OAS1: variants seen among roughly 807,000 people sequenced by gnomAD.
OAS1 encodes 2'-5'-oligoadenylate synthetase 1.
A neutral mutation model predicts 38.5 loss-of-function variants in OAS1; 24 were observed. That is an observed-to-expected ratio of 0.62 (90% CI 0.45 to 0.88). The LOEUF is 0.88. OAS1 is among the 40% of genes least tolerant of loss of function. The probability of loss-of-function intolerance (pLI) is 0.00; values close to 1 mark genes in which losing one functional copy is unlikely to be tolerated. For missense variants in OAS1, 482 were observed against 493.9 expected, an observed-to-expected ratio of 0.98 and a Z score of 0.23; for synonymous variants, 169 against 193.9, an observed-to-expected ratio of 0.87 and a Z score of 1.07.
intron 3 of OAS1, 59 bp from the exon 4 acceptor site, chr12:112,916,450 G>A: frequency 7.6e-7 from 1 of 1,317,694 alleles, no homozygotes; most frequent in East Asian, 2.3e-5. Flanking sequence ...CATGAGAAGT[G>A]TAGTTTACAC....
chr12:112,908,135 C>T (rs1277162142), intron 1 of OAS1, among the ~76,000 whole-genome samples: 1 of 152,192 alleles, frequency 6.6e-6, no homozygotes, highest in Non-Finnish European at 1.5e-5. Flanking sequence ...GATTTTTCCT[C>T]TACTTTCCCT....
chr12:112,908,346 C>G (rs1440890472), intron 1 of OAS1, among the ~76,000 whole-genome samples, 190 bp from the exon 2 acceptor site: 1 of 152,156 alleles, frequency 6.6e-6, no homozygotes, highest in African/African-American at 2.4e-5. Context: ...ATTTTCCCAT[C>G]TGTAAAATGG....
chr12:112,907,365 G>C, intron 1 of OAS1, 146 bp downstream of exon 1: 1 of 688,330 alleles, frequency 1.5e-6, no homozygotes, highest in East Asian at 2.7e-5. Flanking sequence ...TTCTGGGATG[G>C]TGGTTTCTTA....
Position 112,916,492 on chromosome 12 carries a change from G to A in OAS1, c.655-17G>A, listed in dbSNP as rs1350938477. 1 of 1,606,246 alleles carries A rather than the reference G, an allele frequency of 6.2e-7. No homozygotes were observed. Among genetic ancestry groups the A allele is most frequent in the South Asian group, 1.1e-5 (1 of 90,504 alleles). On this transcript the variant is annotated splice_polypyrimidine_tract_variant and intron_variant, in intron 3 of 5. Transcript: ENST00000202917. ...TGAGCAAACCAATTTTTTTCTGATTGTTTTTCCTCTTCTCAGTGTAAGAAG... is the reference window on the plus strand; with the variant it reads ...TGAGCAAACCAATTTTTTTCTGATTATTTTTCCTCTTCTCAGTGTAAGAAG...
downstream of OAS1, among the ~76,000 whole-genome samples, chr12:112,923,987 G>A (rs1310498381): frequency 6.6e-6 from 1 of 152,210 alleles, no homozygotes; most frequent in African/African-American, 2.4e-5. Flanking sequence ...AAAACTTCAT[G>A]ACATTGGTCT....
chr12:112,926,159 C>A (rs184488073), intron 6 of OAS1, among the ~76,000 whole-genome samples: 2 of 152,168 alleles, frequency 1.3e-5, no homozygotes, highest in Admixed American at 1.3e-4. Context: ...TGGCAGGAGC[C>A]TGTGGGGGGT....
Position 112,916,594 on chromosome 12 carries a change from C to T in OAS1, c.740C>T (p.Thr247Ile), listed in dbSNP as rs1016293413. Reference sequence around the variant, plus strand: ...GCTTGGGAGCGAGGGAGCATGAAAACACATTTCAACACAGCCCAGGGATTT... The same window carrying T: ...GCTTGGGAGCGAGGGAGCATGAAAATACATTTCAACACAGCCCAGGGATTT... The part of the protein sequence containing the change: ...VYAWERGSMK[T>I]HFNTAQGFRT... Residue 247 changes from threonine to isoleucine, a missense_variant, in exon 4 of 6, where the codon ACA becomes ATA. Coordinates refer to ENST00000202917, the MANE Select transcript of OAS1 (RefSeq NM_016816.4). 1.1e-5 allele frequency: 18 copies of T among 1,614,090 alleles called. No homozygotes were observed. Among genetic ancestry groups the T allele is most frequent in the Non-Finnish European group, 1.5e-5 (18 of 1,180,048 alleles).
intron 3 of OAS1, among the ~76,000 whole-genome samples, chr12:112,914,892 T>G (rs946807529): frequency 1.4e-4 from 22 of 151,730 alleles, no homozygotes; most frequent in African/African-American, 5.1e-4. Flanking sequence ...CCTCCCCAAT[T>G]CCCCCCACCC....
At chr12:112,932,177 C>A, downstream of OAS1, 1 of 386,762 alleles carries the variant, frequency 2.6e-6, no homozygotes, top group East Asian at 4.6e-5. Context: ...TCTCTCTGTC[C>A]CTCATTAAAA....
intron 3 of OAS1, among the ~76,000 whole-genome samples, chr12:112,915,818 C>G (rs1334386416): frequency 1.3e-5 from 2 of 151,970 alleles, no homozygotes; most frequent in Non-Finnish European, 2.9e-5. Context: ...TGTAGTTTTC[C>G]TTGTAGAGTT....
At chr12:112,919,127 C>G (rs538757697) in intron 5 of OAS1, 16 of 441,554 alleles carry the variant, frequency 3.6e-5, no homozygotes, top group South Asian at 3.4e-4. Flanking sequence ...TTCTATACCC[C>G]TACGTGGATC....
chr12:112,911,674 T>C (rs1173895497), intron 3 of OAS1, among the ~76,000 whole-genome samples: 1 of 152,250 alleles, frequency 6.6e-6, no homozygotes, highest in Non-Finnish European at 1.5e-5. Flanking sequence ...ACTGGCTGGC[T>C]GGCCTTAAGT....
intron 5 of OAS1, chr12:112,917,978 C>A: frequency 7.5e-7 from 1 of 1,339,886 alleles, no homozygotes; most frequent in Non-Finnish European, 9.7e-7. Context: ...GGCTCAGGTT[C>A]TGTCCTAAGC....
Position 112,918,387 on chromosome 12 carries a change from C to G in OAS1, c.1038+687C>G, listed in dbSNP as rs149732687. The G allele has an allele frequency of 4.2e-3, 1,105 of 261,808 alleles. 1 individual carries two copies. Among genetic ancestry groups the G allele is most frequent in the Non-Finnish European group, 5.9e-3 (753 of 128,300 alleles). The allele number at this position is 261,808 out of a possible 1,614,324, so 16.2% of individuals were successfully genotyped here. ...TATACCACACTTTCTTTATCCAGTT[C>G]ACACTGATGGGCACTTAAGTTGATT... On this transcript the variant is annotated intron_variant, in intron 5 of 5. Coordinates refer to ENST00000202917, the MANE Select transcript of OAS1 (RefSeq NM_016816.4).
rs922392669 is a variant in OAS1 at position 112,910,367 on chromosome 12, C to T, written c.470-684C>T. Among the ~76,000 whole-genome samples the T allele has an allele frequency of 7.4e-5, 11 of 148,578 alleles. No homozygotes were observed. In the East Asian group the frequency reaches 7.8e-4, roughly 11 times the overall value. Reference sequence around the variant, plus strand: ...TGGGCAACAGAGTGAGACTCCATCTCGAAAAAAAGAAAAAAGAAAAGAATA... The same window carrying T: ...TGGGCAACAGAGTGAGACTCCATCTTGAAAAAAAGAAAAAAGAAAAGAATA... On this transcript the variant is annotated intron_variant, in intron 2 of 5. Transcript: ENST00000202917.
intron 1 of OAS1, 83 bp downstream of exon 1, chr12:112,907,302 G>A: frequency 2.2e-6 from 3 of 1,373,364 alleles, no homozygotes; most frequent in Admixed American, 1.9e-5. Flanking sequence ...GAGAGAGAGA[G>A]AAGCAAAAAC....
At chr12:112,927,238 G>C (rs2043565388) in intron 6 of OAS1, among the ~76,000 whole-genome samples, 4 of 152,208 alleles carry the variant, frequency 2.6e-5, no homozygotes, top group Admixed American at 2.6e-4. Context: ...AGGAAATTAT[G>C]AGAGTATTGA....
Position 112,916,499 on chromosome 12 carries a change from C to T in OAS1, c.655-10C>T, listed in dbSNP as rs760791939. 29 of 1,605,322 alleles carry T rather than the reference C, an allele frequency of 1.8e-5. No individual in the cohort carries two copies. In the East Asian group the frequency reaches 6.5e-4, roughly 36 times the overall value. ...ACCAATTTTTTTCTGATTGTTTTTC[C>T]TCTTCTCAGTGTAAGAAGAAGCTTG... On this transcript the variant is annotated splice_polypyrimidine_tract_variant and intron_variant, in intron 3 of 5. Transcript: ENST00000202917.
downstream of OAS1, chr12:112,932,991 A>G (rs1427349695): frequency 2.6e-5 from 4 of 152,208 alleles, no homozygotes; most frequent in Admixed American, 1.3e-4. Context: ...AGGTAACACA[A>G]ATAATTCCTA....
Sources: allele counts gnomAD v4.1 joint callset (sites outside exome capture counted in the v4.1 genomes callset), GRCh38; gene constraint gnomAD v4.1.1; transcripts MANE v1.5; gene names NCBI Gene and HGNC (gene_info 2026-07-23, HGNC 2026-07-21).